The following R3HDM2 variants were observed in gnomAD, a reference collection of about 807,000 sequenced individuals.
R3HDM2 encodes R3H domain-containing protein 2.
A neutral mutation model predicts 124.5 loss-of-function variants in R3HDM2; 38 were observed. The observed-to-expected ratio is 0.31, with a 90% CI of 0.24 to 0.40. The LOEUF (loss-of-function observed/expected upper bound fraction) is 0.40. Among genes scored for constraint, R3HDM2 ranks in the 10% least tolerant of loss-of-function variants. The pLI is 1.00. For missense variants in R3HDM2, 869 were observed against 1,236.9 expected (o/e 0.70, Z 4.46); for synonymous variants, 391 against 448.0 (o/e 0.87, Z 1.61).
intron 11 of R3HDM2, among the ~76,000 whole-genome samples, chr12:57,289,727 T>G (rs777352003): frequency 4.6e-5 from 7 of 152,224 alleles, no homozygotes; most frequent in Non-Finnish European, 8.8e-5. Flanking sequence ...GTGAGCTCCA[T>G]GCAGAGCAGA....
intron 2 of R3HDM2, among the ~76,000 whole-genome samples, chr12:57,366,238 T>C (rs984042515): frequency 2.6e-5 from 4 of 152,114 alleles, no homozygotes; most frequent in Non-Finnish European, 5.9e-5. Flanking sequence ...CACTGCAGCC[T>C]TGAATTCCTG....
chr12:57,320,752 A>G (rs980366555), intron 2 of R3HDM2, among the ~76,000 whole-genome samples: 9 of 152,148 alleles, frequency 5.9e-5, no homozygotes, highest in African/African-American at 2.2e-4. Context: ...TCCATAATAG[A>G]GTGAGATTAT....
chr12:57,295,376 GC>G, intron 10 of R3HDM2, 22 bp downstream of exon 10: 1 of 1,489,962 alleles, frequency 6.7e-7, no homozygotes, highest in Non-Finnish European at 9.2e-7. Flanking sequence ...CTCTATATAG[GC>G]CCACCCCTTT....
chr12:57,366,896 T>C (rs1258942371), intron 2 of R3HDM2, among the ~76,000 whole-genome samples: 2 of 152,140 alleles, frequency 1.3e-5, no homozygotes, highest in African/African-American at 4.8e-5. Context: ...TTCACTGTGT[T>C]ACCCAGGATG....
At chr12:57,301,125 TA>T (rs952719333) in intron 4 of R3HDM2, among the ~76,000 whole-genome samples, 1 of 147,972 alleles carries the variant, frequency 6.8e-6, no homozygotes, top group Non-Finnish European at 1.5e-5. Context: ...AAACAAAAAA[TA>T]AAAAAAAATA....
intron 2 of R3HDM2, among the ~76,000 whole-genome samples, chr12:57,364,886 G>A (rs1593977191): frequency 6.8e-6 from 1 of 147,648 alleles, no homozygotes; most frequent in East Asian, 2.0e-4. Context: ...CCAGGAGGCA[G>A]AGGTTGCAGC....
intron 10 of R3HDM2, among the ~76,000 whole-genome samples, chr12:57,292,925 T>G (rs1411807703): frequency 1.8e-5 from 2 of 108,640 alleles, no homozygotes; most frequent in South Asian, 6.4e-4. Flanking sequence ...GAATAACAAC[T>G]ATTTATAAGG....
intron 2 of R3HDM2, among the ~76,000 whole-genome samples, chr12:57,320,315 T>C (rs1435447102): frequency 3.1e-5 from 2 of 63,806 alleles, no homozygotes; most frequent in Non-Finnish European, 7.2e-5. Flanking sequence ...ATAAAGCCAG[T>C]AGTAGCTTAA....
chr12:57,316,749 C>T (rs998228027), intron 2 of R3HDM2, among the ~76,000 whole-genome samples: 3 of 150,004 alleles, frequency 2.0e-5, no homozygotes, highest in African/African-American at 7.4e-5. Context: ...CCACGCCCAG[C>T]TATTTTTTTT....
intron 2 of R3HDM2, among the ~76,000 whole-genome samples, chr12:57,323,228 A>AT (rs2056745338): frequency 6.6e-6 from 1 of 152,204 alleles, no homozygotes; most frequent in South Asian, 2.1e-4. Context: ...CAAAAACAGT[A>AT]TAACTGCGTG....
intron 1 of R3HDM2, among the ~76,000 whole-genome samples, chr12:57,428,810 G>C (rs993008611): frequency 6.6e-6 from 1 of 150,616 alleles, no homozygotes; most frequent in East Asian, 1.9e-4. Context: ...ACAGTGGCAC[G>C]ATCTTGGCTT....
In R3HDM2 at chr12:57,404,932, C is replaced by T. The variant is rs181414798; in HGVS notation, c.-105-9114G>A. Among the ~76,000 whole-genome samples, 501 of 151,864 alleles carry T rather than the reference C, an allele frequency of 3.3e-3. 2 individuals carry two copies. The highest frequency in any genetic ancestry group is 0.011 in the African/African-American group (472 of 41,438). Reference sequence around the variant, plus strand: ...CTATAATTAATATGAGACAAAGATACCCACCCACTATGAAACCTTTGAATC... The same window carrying T: ...CTATAATTAATATGAGACAAAGATATCCACCCACTATGAAACCTTTGAATC... On this transcript the variant is annotated intron_variant, in intron 1 of 23. Coordinates refer to ENST00000402412, the MANE Select transcript of R3HDM2 (RefSeq NM_001394031.1).
chr12:57,424,739 C>G (rs1291976958), intron 1 of R3HDM2, among the ~76,000 whole-genome samples: 1 of 152,146 alleles, frequency 6.6e-6, no homozygotes, highest in Non-Finnish European at 1.5e-5. Flanking sequence ...GGCTCTCATT[C>G]TGTCACCCAG....
chr12:57,417,053 G>A (rs191565844), intron 1 of R3HDM2, among the ~76,000 whole-genome samples: 69 of 151,892 alleles, frequency 4.5e-4, no homozygotes, highest in Admixed American at 2.0e-3. Context: ...AGGAGGCGGA[G>A]GTTGCAGTGA....
intron 14 of R3HDM2, 119 bp from the exon 15 acceptor site, chr12:57,270,113 T>C (rs1399235887): frequency 1.7e-5 from 20 of 1,211,014 alleles, no homozygotes; most frequent in Non-Finnish European, 2.4e-5. Context: ...CAATGGGGGA[T>C]AGTCCTACCT....
At chr12:57,342,042 A>G (rs1486039879) in intron 2 of R3HDM2, among the ~76,000 whole-genome samples, 1 of 152,184 alleles carries the variant, frequency 6.6e-6, no homozygotes, top group Admixed American at 6.5e-5. Flanking sequence ...AAAATTCTCT[A>G]ATTTCCCTAG....
chr12:57,345,690 G>GCCCC (rs1179042056), intron 2 of R3HDM2, among the ~76,000 whole-genome samples: 5 of 151,998 alleles, frequency 3.3e-5, no homozygotes, highest in Non-Finnish European at 7.4e-5. Context: ...ACAGGCATGT[G>GCCCC]CCCCCATGCC....
intron 19 of R3HDM2, among the ~76,000 whole-genome samples, chr12:57,266,249 C>T (rs532372363): frequency 6.6e-6 from 1 of 151,754 alleles, no homozygotes; most frequent in East Asian, 1.9e-4. Context: ...GTGTGCACCA[C>T]CATGCCTGGC....
chr12:57,330,463 C>G (rs1322256585), intron 2 of R3HDM2, among the ~76,000 whole-genome samples: 1 of 151,824 alleles, frequency 6.6e-6, no homozygotes, highest in Admixed American at 6.6e-5. Context: ...CCTGCCTCAG[C>G]CTCCTGAGTA....
Sources: allele counts gnomAD v4.1 joint callset (sites outside exome capture counted in the v4.1 genomes callset), GRCh38; gene constraint gnomAD v4.1.1; transcripts MANE v1.5; gene names NCBI Gene and HGNC (gene_info 2026-07-23, HGNC 2026-07-21).